P2RX7: variants seen among roughly 807,000 people sequenced by gnomAD.
P2RX7 encodes the protein purinergic receptor P2X 7, also known as P2X purinoceptor 7.
P2RX7 carries 62 observed loss-of-function variants against 71.6 expected under a neutral mutation model. That is an observed-to-expected ratio of 0.87 (90% CI 0.71 to 1.07). P2RX7 has a LOEUF of 1.07. Ranked by LOEUF, P2RX7 falls within the 50% of genes least tolerant of loss-of-function variation. The pLI is 0.00. For synonymous variants in P2RX7, 299 were observed against 283.3 expected, an observed-to-expected ratio of 1.06 and a Z score of -0.56; for missense variants, 686 against 748.5, an observed-to-expected ratio of 0.92 and a Z score of 0.97.
chr12:121,161,304 T>C (rs1356388978), intron 4 of P2RX7, among the ~76,000 whole-genome samples: 1 of 152,248 alleles, frequency 6.6e-6, no homozygotes, highest in Non-Finnish European at 1.5e-5. Flanking sequence ...TTGAGGACCA[T>C]GAACTTTTAC....
chr12:121,144,085 A>AT lies in P2RX7; in HGVS notation c.126-10699dup, dbSNP rs1159942834. On this transcript the variant is annotated intron_variant, in intron 1 of 12. Coordinates refer to ENST00000328963, the MANE Select transcript of P2RX7 (RefSeq NM_002562.6). ...GGTTGCTCAACCCAGGTAACCATGA[A>AT]TCTATTCTCTGCCTCTGGAGATTTG... 1.4e-4 allele frequency among the ~76,000 whole-genome samples: 22 copies of AT among 152,282 alleles called. No homozygotes were observed. In the South Asian group the frequency reaches 4.4e-3, roughly 30 times the overall value.
intron 1 of P2RX7, among the ~76,000 whole-genome samples, chr12:121,153,131 T>G (rs1268318654): frequency 6.6e-6 from 1 of 152,188 alleles, no homozygotes; most frequent in Non-Finnish European, 1.5e-5. Context: ...TATGTGGGTA[T>G]CTGGATAACT....
At chr12:121,150,561 G>A (rs1163098624) in intron 1 of P2RX7, among the ~76,000 whole-genome samples, 1 of 152,164 alleles carries the variant, frequency 6.6e-6, no homozygotes, top group Non-Finnish European at 1.5e-5. Context: ...TGTGCTGATT[G>A]GGTCTCAAAT....
intron 8 of P2RX7, 122 bp downstream of exon 8, chr12:121,167,746 G>A (rs1264979941): frequency 2.7e-6 from 2 of 730,020 alleles, no homozygotes; most frequent in Non-Finnish European, 4.1e-6. Flanking sequence ...CTAAGAACTA[G>A]GTGATAACTG....
chr12:121,137,495 C>A (rs539827855), intron 1 of P2RX7, among the ~76,000 whole-genome samples: 1 of 152,198 alleles, frequency 6.6e-6, no homozygotes, highest in South Asian at 2.1e-4. Context: ...AGAAGATAAC[C>A]TTCATATAAA....
At chr12:121,140,523 G>C (rs1321253071) in intron 1 of P2RX7, among the ~76,000 whole-genome samples, 1 of 152,146 alleles carries the variant, frequency 6.6e-6, no homozygotes, top group African/African-American at 2.4e-5. Flanking sequence ...ATGGGCTGGC[G>C]GAGCTGGAGA....
chr12:121,149,211 G>C lies in P2RX7; in HGVS notation c.126-5574G>C. Reference sequence around the variant, plus strand: ...CCTTCATCTCCATCTGGTGGGTCCAGAGCAAGCAGCCTCAGGGTCCCATGG... The same window carrying C: ...CCTTCATCTCCATCTGGTGGGTCCACAGCAAGCAGCCTCAGGGTCCCATGG... On this transcript the variant is annotated intron_variant, in intron 1 of 12. Coordinates refer to ENST00000328963, the MANE Select transcript of P2RX7 (RefSeq NM_002562.6). This position sits in a 1 kb window ranked among gnomAD's most constrained non-coding sequence, Gnocchi z 4.7. 2.9e-6 allele frequency: 1 copy of C among 347,986 alleles called. No homozygotes were observed. Among genetic ancestry groups the C allele is most frequent in the South Asian group, 2.3e-5 (1 of 43,344 alleles). The allele number at this position is 347,986 out of a possible 1,614,324, so 21.6% of individuals were successfully genotyped here.
At chr12:121,183,590 TACACACACAC>T (rs71079032) in intron 12 of P2RX7, among the ~76,000 whole-genome samples, 1 of 117,592 alleles carries the variant, frequency 8.5e-6, no homozygotes, top group Non-Finnish European at 1.8e-5. Context: ...AAACAACAAA[TACACACACAC>T]ACACACACAC....
At chr12:121,159,417 C>CA (rs397850013) in intron 3 of P2RX7, among the ~76,000 whole-genome samples, 9,876 of 63,588 alleles carry the variant, frequency 0.16, 483 homozygotes, top group African/African-American at 0.2. Flanking sequence ...ACTCTGTCTC[C>CA]AAAAAAAAAA....
chr12:121,148,714 C>A (rs1054450916), intron 1 of P2RX7, among the ~76,000 whole-genome samples: 2 of 152,304 alleles, frequency 1.3e-5, no homozygotes, highest in Middle Eastern at 3.4e-3. Flanking sequence ...GGCTCTCCCC[C>A]ACTTTCTTCT....
intron 1 of P2RX7, among the ~76,000 whole-genome samples, chr12:121,148,687 C>G (rs1483998596): frequency 1.3e-5 from 2 of 152,170 alleles, no homozygotes; most frequent in African/African-American, 2.4e-5. Context: ...CGGGATTAAA[C>G]TTGCCCTGGG....
intron 3 of P2RX7, among the ~76,000 whole-genome samples, chr12:121,158,900 CT>C (rs939288657): frequency 4.6e-5 from 7 of 152,152 alleles, no homozygotes; most frequent in African/African-American, 1.7e-4. Flanking sequence ...TTGCCAGGCA[CT>C]TGGGCTGCAA....
In P2RX7 at chr12:121,167,515, T is replaced by G. The variant is rs1234040444; in HGVS notation, c.772T>G (p.Trp258Gly). The change falls in exon 8 of 13, where the codon TGG becomes GGG. Residue 258 changes from tryptophan to glycine, a missense_variant. Transcript: ENST00000328963. ...CGGAATAATGGGCATTGAGATCTAC[T>G]GGGACTGCAACCTAGACCGTTGGTT... Reference protein sequence around the residue: ...QGGIMGIEIYWDCNLDRWFHH... With the variant: ...QGGIMGIEIYGDCNLDRWFHH... 4 of 1,613,914 alleles carry G rather than the reference T, an allele frequency of 2.5e-6. No homozygotes were observed. The South Asian group carries it at 4.4e-5, about 18-fold the overall frequency.
intron 1 of P2RX7, among the ~76,000 whole-genome samples, chr12:121,140,896 G>A (rs1266319544): frequency 6.6e-6 from 1 of 152,182 alleles, no homozygotes; most frequent in Non-Finnish European, 1.5e-5. Context: ...GACCAGCCTG[G>A]TCAACATGGC....
rs954860999 is a variant in P2RX7, at chr12:121,186,434, C to G, written c.*1632C>G. On this transcript the variant is annotated 3_prime_UTR_variant, in exon 13 of 13. Coordinates refer to ENST00000328963, the MANE Select transcript of P2RX7 (RefSeq NM_002562.6). Reference sequence around the variant, plus strand: ...ATGTTCTCAGGGAGCCCGGACCAACCCTGGGAGCCTCAGGAACTTAGGTTT... The same window carrying G: ...ATGTTCTCAGGGAGCCCGGACCAACGCTGGGAGCCTCAGGAACTTAGGTTT... The G allele has an allele frequency of 1.3e-5, 2 of 152,256 alleles. No individual in the cohort carries two copies. Among genetic ancestry groups the G allele is most frequent in the Non-Finnish European group, 2.9e-5 (2 of 68,106 alleles). The allele number at this position is 152,256 out of a possible 1,614,324, so 9.4% of individuals were successfully genotyped here.
At chr12:121,150,950 T>C (rs1565946234) in intron 1 of P2RX7, among the ~76,000 whole-genome samples, 1 of 152,214 alleles carries the variant, frequency 6.6e-6, no homozygotes, top group African/African-American at 2.4e-5. Flanking sequence ...CTAAAGTGTA[T>C]TGTGCATAAT....
chr12:121,172,562 C>T (rs992049774), intron 8 of P2RX7, among the ~76,000 whole-genome samples: 6 of 152,252 alleles, frequency 3.9e-5, no homozygotes, highest in South Asian at 2.1e-4. Context: ...GCCCGGGAGG[C>T]GGAGGCCACA....
chr12:121,164,160 G>A (rs142437825), intron 5 of P2RX7, among the ~76,000 whole-genome samples: 11 of 152,250 alleles, frequency 7.2e-5, no homozygotes, highest in African/African-American at 2.4e-4. Flanking sequence ...TAAATAAACT[G>A]CATCTCCAGT....
In P2RX7 at chr12:121,172,047, C is replaced by G. The variant is rs1227523415; in HGVS notation, c.882-3341C>G. ...CGGCTAATTTTTTGCATTTTTAGTA[C>G]AGACGGGGTTTCACCATGTTAGCCA... On this transcript the variant is annotated intron_variant, in intron 8 of 12. Transcript: ENST00000328963. Among the ~76,000 whole-genome samples, 5 of 151,800 alleles carry G rather than the reference C, an allele frequency of 3.3e-5. No individual in the cohort carries two copies. The South Asian group carries it at 8.3e-4, about 25-fold the overall frequency.
Sources: gnomAD v4.1 joint callset for allele counts (sites outside exome capture counted in the v4.1 genomes callset) on GRCh38, gnomAD v4.1.1 for gene constraint, Gnocchi (gnomAD v3.1) non-coding constraint, MANE v1.5 for transcripts, NCBI Gene and HGNC (gene_info 2026-07-23, HGNC 2026-07-21) for gene names.